The following PDK3 variants were observed in gnomAD, a reference collection of about 807,000 sequenced individuals.
PDK3 encodes the protein pyruvate dehydrogenase kinase, isozyme 3.
PDK3 carries 12 observed loss-of-function variants against 32.0 expected under a neutral mutation model. The ratio of observed to expected loss-of-function variants is 0.37; its 90% CI spans 0.24 to 0.61. PDK3 has a LOEUF of 0.61. Ranked by LOEUF, PDK3 falls within the 20% of genes least tolerant of loss-of-function variation. The probability of loss-of-function intolerance (pLI) is 0.65; values close to 1 mark genes in which losing one functional copy is unlikely to be tolerated. For missense variants in PDK3, 188 were observed against 316.9 expected, an observed-to-expected ratio of 0.59 and a Z score of 3.09; for synonymous variants, 122 against 116.3, an observed-to-expected ratio of 1.05 and a Z score of -0.31.
At chrX:24,487,274 T>C (rs1473721408) in intron 1 of PDK3, among the ~76,000 whole-genome samples, 2 of 112,057 alleles carry the variant, frequency 1.8e-5, no homozygotes, top group Non-Finnish European at 3.8e-5. Context: ...ATTCAGTGTT[T>C]TCAACAGATT....
At chrX:24,489,155 C>T (rs959446165) in intron 1 of PDK3, among the ~76,000 whole-genome samples, 50 of 111,360 alleles carry the variant, frequency 4.5e-4, no homozygotes, top group Non-Finnish European at 7.9e-4. Flanking sequence ...AACTGAGTAT[C>T]CGGCATTAAT....
chrX:24,544,414 C>T (rs974793291), exon 12 of PDK3, among the ~76,000 whole-genome samples: 1 of 111,390 alleles, frequency 9.0e-6, no homozygotes, highest in Non-Finnish European at 1.9e-5. Flanking sequence ...TGCTTCTCGC[C>T]GCTCTTCCTC....
chrX:24,512,085 A>G (rs1472975626), intron 5 of PDK3, among the ~76,000 whole-genome samples: 1 of 111,537 alleles, frequency 9.0e-6, no homozygotes, highest in Non-Finnish European at 1.9e-5. Flanking sequence ...TTAGCACCTT[A>G]GTATCTACCT....
chrX:24,494,395 G>A (rs1330916525), intron 1 of PDK3, among the ~76,000 whole-genome samples: 2 of 112,108 alleles, frequency 1.8e-5, no homozygotes, highest in African/African-American at 3.2e-5. Context: ...GGATTTACAC[G>A]TTCTGTTACC....
At chrX:24,532,063 C>T (rs1192083457) in intron 10 of PDK3, among the ~76,000 whole-genome samples, 1 of 111,075 alleles carries the variant, frequency 9.0e-6, no homozygotes, top group South Asian at 3.8e-4. Flanking sequence ...GTCAGGAGTT[C>T]GAGACCAGCC....
chrX:24,520,118 G>A (rs976446499), intron 6 of PDK3, among the ~76,000 whole-genome samples: 12 of 111,658 alleles, frequency 1.1e-4, no homozygotes, highest in African/African-American at 3.3e-4. Context: ...ACTTGAACCC[G>A]GGAGGCGGAG....
chrX:24,534,089 C>T lies in PDK3; in HGVS notation c.*17C>T. The T allele has an allele frequency of 8.4e-7, 1 of 1,187,112 alleles. No individual in the cohort carries two copies. Among genetic ancestry groups the T allele is most frequent in the African/African-American group, 1.7e-5 (1 of 57,197 alleles). Reference sequence around the variant, plus strand: ...AAACAGTAATATACCACCTTGATTTCCATTACAAAGTATCTGATTTGTCTG... The same window carrying T: ...AAACAGTAATATACCACCTTGATTTTCATTACAAAGTATCTGATTTGTCTG... On this transcript the variant is annotated 3_prime_UTR_variant, in exon 11 of 11. Coordinates refer to ENST00000379162, the MANE Select transcript of PDK3 (RefSeq NM_005391.5).
chrX:24,501,570 C>T (rs1019027494), intron 3 of PDK3, among the ~76,000 whole-genome samples: 1 of 112,135 alleles, frequency 8.9e-6, no homozygotes, highest in Non-Finnish European at 1.9e-5. Context: ...GAAAATTAGC[C>T]AGGCGTGGTG....
intron 9 of PDK3, among the ~76,000 whole-genome samples, 200 bp from the exon 10 acceptor site, chrX:24,531,457 T>C (rs1224554028): frequency 8.9e-6 from 1 of 112,481 alleles, no homozygotes; most frequent in African/African-American, 3.2e-5. Context: ...TCCAAACATA[T>C]AAGACATGTT....
exon 12 of PDK3, among the ~76,000 whole-genome samples, chrX:24,540,603 C>T (rs1922866652): frequency 9.0e-6 from 1 of 111,091 alleles, no homozygotes; most frequent in Non-Finnish European, 1.9e-5. Context: ...TCTTTTATTT[C>T]GTTATATTAC....
At chrX:24,536,571 G>A (rs183260755), downstream of PDK3, among the ~76,000 whole-genome samples, 82 of 111,756 alleles carry the variant, frequency 7.3e-4, no homozygotes, top group African/African-American at 2.6e-3. Context: ...CACCTTAAAT[G>A]GTTAACAAAT....
rs1283537154 is a variant in PDK3, at chrX:24,543,138, C to T, written c.*3974C>T. 6.2e-5 allele frequency among the ~76,000 whole-genome samples: 7 copies of T among 112,277 alleles called. No homozygotes were observed. In the Admixed American group the frequency reaches 6.6e-4, roughly 11 times the overall value. ...AGTATATCTCAGGATTGACTGTTGT[C>T]TGTTGCCTTTTTCTGGAATGCAGTG... On this transcript the variant is annotated 3_prime_UTR_variant, in exon 12 of 12. Coordinates refer to the PDK3 transcript ENST00000568479.
At chrX:24,507,034 C>T (rs181105743) in intron 5 of PDK3, among the ~76,000 whole-genome samples, 4 of 110,269 alleles carry the variant, frequency 3.6e-5, no homozygotes, top group Non-Finnish European at 7.6e-5. Context: ...TGGTCTCGAA[C>T]TCCTGACCTT....
intron 2 of PDK3, among the ~76,000 whole-genome samples, chrX:24,496,566 A>ATCTTTTTTTTTTTTT (rs1921707991): frequency 2.4e-5 from 1 of 41,133 alleles, no homozygotes; most frequent in Non-Finnish European, 4.6e-5. Context: ...TACTACCCCC[A>ATCTTTTTTTTTTTTT]TCTTTTTTTT....
chrX:24,535,240 C>A (rs747408553), downstream of PDK3, among the ~76,000 whole-genome samples: 1 of 111,919 alleles, frequency 8.9e-6, no homozygotes, highest in Non-Finnish European at 1.9e-5. Flanking sequence ...CGCAGTGGCT[C>A]ACGCCAGTAA....
At chrX:24,535,435 A>G (rs991450687), downstream of PDK3, among the ~76,000 whole-genome samples, 7 of 105,786 alleles carry the variant, frequency 6.6e-5, no homozygotes, top group African/African-American at 2.4e-4. Flanking sequence ...AACCCAGGAG[A>G]CAGAGGTTGC....
chrX:24,512,467 G>A (rs1028860406), intron 5 of PDK3, among the ~76,000 whole-genome samples: 1 of 111,773 alleles, frequency 8.9e-6, no homozygotes, highest in Non-Finnish European at 1.9e-5. Flanking sequence ...ACCCACTCAC[G>A]CTAGCTCAAG....
At chrX:24,496,709 C>T (rs1400621164) in intron 2 of PDK3, among the ~76,000 whole-genome samples, 1 of 103,463 alleles carries the variant, frequency 9.7e-6, no homozygotes, top group African/African-American at 3.5e-5. Flanking sequence ...CACCACCATC[C>T]CCTTGGTCAC....
intron 5 of PDK3, among the ~76,000 whole-genome samples, chrX:24,514,195 A>T (rs1922196745): frequency 8.9e-6 from 1 of 112,343 alleles, no homozygotes; most frequent in Non-Finnish European, 1.9e-5. Context: ...AAACGGATTC[A>T]TGGCTAGTTT....
Sources: gnomAD v4.1 joint callset for allele counts (sites outside exome capture counted in the v4.1 genomes callset) on GRCh38, gnomAD v4.1.1 for gene constraint, MANE v1.5 for transcripts, NCBI Gene and HGNC (gene_info 2026-07-23, HGNC 2026-07-21) for gene names.